The following TACR3 variants were observed in gnomAD, a reference collection of about 807,000 sequenced individuals.
TACR3 encodes the protein tachykinin receptor 3.
Under a neutral mutation model 35.0 loss-of-function variants are expected in TACR3, and 34 were observed. The observed-to-expected ratio is 0.97, with a 90% CI of 0.74 to 1.30. TACR3 has a LOEUF of 1.30. Among genes scored for constraint, TACR3 ranks in the 50% most tolerant of loss-of-function variants. The pLI is 0.00. For synonymous variants in TACR3, 233 were observed against 221.1 expected, an observed-to-expected ratio of 1.05 and a Z score of -0.48; for missense variants, 558 against 591.7, an observed-to-expected ratio of 0.94 and a Z score of 0.59.
chr4:103,614,056 G>GT (rs1724575561), intron 3 of TACR3, among the ~76,000 whole-genome samples: 1 of 152,118 alleles, frequency 6.6e-6, no homozygotes, highest in South Asian at 2.1e-4. Flanking sequence ...TATAATGGGT[G>GT]TTATGGCTTT....
intron 3 of TACR3, among the ~76,000 whole-genome samples, chr4:103,600,945 G>T (rs1047357431): frequency 2.6e-5 from 4 of 152,112 alleles, no homozygotes; most frequent in Admixed American, 1.3e-4. Flanking sequence ...TGTTGATTTG[G>T]GGTGGAGATT....
chr4:103,617,167 A>C (rs1410801684), intron 3 of TACR3, among the ~76,000 whole-genome samples: 1 of 152,176 alleles, frequency 6.6e-6, no homozygotes, highest in Non-Finnish European at 1.5e-5. Context: ...TCAAGAAACA[A>C]AATGAGCAAA....
chr4:103,680,669 C>A (rs1233204783), intron 1 of TACR3, among the ~76,000 whole-genome samples: 2 of 151,498 alleles, frequency 1.3e-5, no homozygotes, highest in African/African-American at 2.4e-5. Flanking sequence ...GAAATCTGTA[C>A]AGAAGGCTAC....
chr4:103,590,449 A>C (rs72943362), intron 4 of TACR3, among the ~76,000 whole-genome samples: 2 of 152,176 alleles, frequency 1.3e-5, no homozygotes, highest in African/African-American at 4.8e-5. Flanking sequence ...TTAATGTTAG[A>C]ATTGCTAATC....
At chr4:103,598,812 T>C (rs1448722236) in intron 3 of TACR3, among the ~76,000 whole-genome samples, 3 of 152,208 alleles carry the variant, frequency 2.0e-5, no homozygotes, top group African/African-American at 7.2e-5. Context: ...CATTGGTCTA[T>C]ATATCTGTTT....
intron 3 of TACR3, among the ~76,000 whole-genome samples, chr4:103,600,392 GC>G (rs200432466): frequency 0.016 from 2,485 of 151,918 alleles, 55 homozygotes; most frequent in African/African-American, 0.057. Context: ...CAATTTTGTT[GC>G]TCTCTTCAAA....
At chr4:103,649,407 T>C (rs1725533010) in intron 3 of TACR3, among the ~76,000 whole-genome samples, 2 of 152,228 alleles carry the variant, frequency 1.3e-5, no homozygotes, top group South Asian at 4.1e-4. Context: ...TGTGTAGTAG[T>C]TTCATAGTTT....
At chr4:103,611,108 C>T (rs149150160) in intron 3 of TACR3, among the ~76,000 whole-genome samples, 39 of 152,116 alleles carry the variant, frequency 2.6e-4, no homozygotes, top group African/African-American at 9.2e-4. Context: ...TATTCAGGGT[C>T]TTTTATAATT....
rs191171446 is a variant in TACR3, at chr4:103,658,911, G to A, written c.549-508C>T. ...TACAACTTGCCATAATGTAGAATCC[G>A]TGGGAGCCCTGAGCTTGTTTTCCTG... On this transcript the variant is annotated intron_variant, in intron 1 of 4. Coordinates refer to ENST00000304883, the MANE Select transcript of TACR3 (RefSeq NM_001059.3). Among the ~76,000 whole-genome samples, 45 of 152,182 alleles carry A rather than the reference G, an allele frequency of 3.0e-4. No individual in the cohort carries two copies. The East Asian group carries it at 6.6e-3, about 22-fold the overall frequency.
chr4:103,625,376 A>C lies in TACR3; in HGVS notation c.888+30818T>G, dbSNP rs866298583. 2.6e-5 allele frequency among the ~76,000 whole-genome samples: 4 copies of C among 152,184 alleles called. 1 individual carries two copies. The highest frequency in any genetic ancestry group is 9.7e-5 in the African/African-American group (4 of 41,446). On this transcript the variant is annotated intron_variant, in intron 3 of 4. Transcript: ENST00000304883. ...TTACAAAGATTATGTACAAATGAAA[A>C]GGTGAAATAATTTTGAAATGAACTG...
Position 103,656,198 on chromosome 4 carries a change from CT to C in TACR3, c.883del (p.Arg295GlufsTer6). ...GTAAACAACATGGACCAGTACCTTT[CT>C]TTTGGCCTTTAGCTGCTCATGATAC... ...DKYHEQLKAKRKVVKMMIIVV... is the reference protein window; with the variant it reads ...DKYHEQLKAKXKVVKMMIIVV... On this transcript the variant is annotated frameshift_variant, in exon 3 of 5. Transcript: ENST00000304883. LOFTEE classifies it high-confidence loss of function. 1.2e-6 allele frequency: 2 copies of C among 1,612,886 alleles called. No individual in the cohort carries two copies. The highest frequency in any genetic ancestry group is 1.1e-5 in the South Asian group (1 of 91,062).
At chr4:103,599,768 C>T (rs148447812) in intron 3 of TACR3, among the ~76,000 whole-genome samples, 2,606 of 152,162 alleles carry the variant, frequency 0.017, 72 homozygotes, top group African/African-American at 0.06. Flanking sequence ...TGTTGATTTG[C>T]GTATGTCGAA....
chr4:103,613,944 G>A (rs1724573597), intron 3 of TACR3, among the ~76,000 whole-genome samples: 1 of 152,006 alleles, frequency 6.6e-6, no homozygotes, highest in Non-Finnish European at 1.5e-5. Context: ...TGAGAACTCT[G>A]GCATCTCCTC....
At chr4:103,612,903 A>G (rs1052459672) in intron 3 of TACR3, among the ~76,000 whole-genome samples, 3 of 152,198 alleles carry the variant, frequency 2.0e-5, no homozygotes, top group African/African-American at 7.2e-5. Flanking sequence ...TGAATAAATG[A>G]ATATATAAAT....
At chr4:103,618,218 T>C (rs370902262) in intron 3 of TACR3, among the ~76,000 whole-genome samples, 3 of 152,208 alleles carry the variant, frequency 2.0e-5, no homozygotes, top group Non-Finnish European at 2.9e-5. Context: ...AGGTCCTACA[T>C]TGAAAGCTTT....
At chr4:103,620,749 G>C (rs1578229923) in intron 3 of TACR3, among the ~76,000 whole-genome samples, 1 of 152,020 alleles carries the variant, frequency 6.6e-6, no homozygotes, top group Admixed American at 6.5e-5. Context: ...CTACTGGAGG[G>C]TGGGGGTGGA....
At chr4:103,621,322 T>G (rs990642475) in intron 3 of TACR3, among the ~76,000 whole-genome samples, 1 of 152,186 alleles carries the variant, frequency 6.6e-6, no homozygotes, top group African/African-American at 2.4e-5. Flanking sequence ...CTACAAGGTA[T>G]GCTGATGAAG....
chr4:103,645,508 T>G (rs1725437950), intron 3 of TACR3, among the ~76,000 whole-genome samples: 1 of 151,970 alleles, frequency 6.6e-6, no homozygotes, highest in Non-Finnish European at 1.5e-5. Flanking sequence ...TTACAATTAA[T>G]GCACAAAAAA....
intron 1 of TACR3, among the ~76,000 whole-genome samples, chr4:103,677,576 G>T (rs1379214767): frequency 6.6e-6 from 1 of 152,036 alleles, no homozygotes; most frequent in Admixed American, 6.6e-5. Context: ...TGAGTTGGAG[G>T]CTATTATCCT....
Sources: allele counts gnomAD v4.1 joint callset (sites outside exome capture counted in the v4.1 genomes callset), GRCh38; gene constraint gnomAD v4.1.1; transcripts MANE v1.5; gene names NCBI Gene and HGNC (gene_info 2026-07-23, HGNC 2026-07-21).